Variants in CACNA2D1 observed in about 807,000 individuals in gnomAD.
CACNA2D1 encodes voltage-dependent calcium channel subunit alpha-2/delta-1.
In CACNA2D1, 53 loss-of-function variants were observed where a neutral mutation model predicts 171.5. That is an observed-to-expected ratio of 0.31 (90% CI 0.25 to 0.39). The LOEUF is 0.39. Among genes scored for constraint, CACNA2D1 ranks in the 10% least tolerant of loss-of-function variants. CACNA2D1 has a pLI of 1.00. For synonymous variants in CACNA2D1, 442 were observed against 443.1 expected (o/e 1.00, Z 0.03); for missense variants, 903 against 1,299.8 (o/e 0.69, Z 4.69).
intron 4 of CACNA2D1, among the ~76,000 whole-genome samples, chr7:82,145,609 A>G (rs1792928450): frequency 6.9e-6 from 1 of 144,848 alleles, no homozygotes; most frequent in Non-Finnish European, 1.5e-5. Context: ...TATATATTTT[A>G]CATATATTAT....
rs377066329 is a variant in CACNA2D1 at position 82,168,182 on chromosome 7, C to T, written c.354+2368G>A. Among the ~76,000 whole-genome samples the T allele has an allele frequency of 7.2e-5, 11 of 152,004 alleles. No homozygotes were observed. The East Asian group carries it at 1.9e-3, about 27-fold the overall frequency. ...GGGAGATGAGGTCTCTCTCTGTTGC[C>T]CAGGCTGGAGTAGTACAGTGTCATG... On this transcript the variant is annotated intron_variant, in intron 4 of 38. Coordinates refer to ENST00000356860, the MANE Select transcript of CACNA2D1 (RefSeq NM_000722.4).
intron 4 of CACNA2D1, among the ~76,000 whole-genome samples, chr7:82,146,463 AATAT>A (rs979907502): frequency 8.3e-6 from 1 of 120,326 alleles, no homozygotes; most frequent in Non-Finnish European, 1.8e-5. Context: ...GATATATATA[AATAT>A]ATATCTTTAT....
At chr7:82,074,589 A>G (rs1808733542) in intron 7 of CACNA2D1, among the ~76,000 whole-genome samples, 1 of 152,120 alleles carries the variant, frequency 6.6e-6, no homozygotes, top group South Asian at 2.1e-4. Context: ...TAATGTGTTT[A>G]CAAGTTTTCC....
At chr7:82,364,716 G>A (rs1268270558) in intron 1 of CACNA2D1, among the ~76,000 whole-genome samples, 4 of 152,130 alleles carry the variant, frequency 2.6e-5, no homozygotes, top group Non-Finnish European at 4.4e-5. Flanking sequence ...CAAGCATAGT[G>A]TATATACTTT....
chr7:82,010,920 A>C (rs1227677788), intron 15 of CACNA2D1, among the ~76,000 whole-genome samples: 1 of 152,164 alleles, frequency 6.6e-6, no homozygotes, highest in Non-Finnish European at 1.5e-5. Context: ...AGGTCTTATT[A>C]TTTTGATTCT....
intron 6 of CACNA2D1, among the ~76,000 whole-genome samples, chr7:82,091,913 G>T (rs755192658): frequency 5.9e-5 from 9 of 152,096 alleles, no homozygotes; most frequent in Non-Finnish European, 1.2e-4. Flanking sequence ...GCTATACTAA[G>T]GATCCTAGAC....
At chr7:82,062,615 A>G (rs1472401688) in intron 9 of CACNA2D1, among the ~76,000 whole-genome samples, 2 of 137,970 alleles carry the variant, frequency 1.4e-5, no homozygotes, top group Non-Finnish European at 3.1e-5. Context: ...TTTTTTTAAT[A>G]TACTTTAAGT....
intron 36 of CACNA2D1, among the ~76,000 whole-genome samples, chr7:81,961,332 C>T (rs1320404527): frequency 2.6e-5 from 4 of 151,952 alleles, no homozygotes; most frequent in Non-Finnish European, 5.9e-5. Context: ...TACTGACTAA[C>T]ATTAACCATG....
intron 4 of CACNA2D1, among the ~76,000 whole-genome samples, chr7:82,143,920 A>G (rs1014671198): frequency 3.9e-5 from 6 of 152,174 alleles, no homozygotes; most frequent in African/African-American, 9.7e-5. Context: ...ATGTTTTTCT[A>G]TTCAGAAATC....
intron 3 of CACNA2D1, among the ~76,000 whole-genome samples, chr7:82,318,062 G>C (rs997381869): frequency 2.0e-5 from 3 of 151,868 alleles, no homozygotes. Flanking sequence ...CTCACTAGTT[G>C]TAATTAAAAG....
intron 6 of CACNA2D1, among the ~76,000 whole-genome samples, chr7:82,109,187 T>C (rs1168252658): frequency 6.6e-6 from 1 of 152,142 alleles, no homozygotes; most frequent in Non-Finnish European, 1.5e-5. Flanking sequence ...CAACTCTATA[T>C]ATTATATATA....
In CACNA2D1 at chr7:82,020,225, G is replaced by T. The variant is rs1196416371; in HGVS notation, c.1144-5746C>A. Among the ~76,000 whole-genome samples the T allele has an allele frequency of 9.9e-5, 15 of 152,256 alleles. No homozygotes were observed. In the East Asian group the frequency reaches 2.9e-3, roughly 29 times the overall value. ...GTCTGACTTGAAGGCAGGCTCCTGG[G>T]TGGGCAAATTATGATTAGCATAGCC... is the stretch of plus-strand genomic sequence containing the variant. On this transcript the variant is annotated intron_variant, in intron 12 of 38. Coordinates refer to ENST00000356860, the MANE Select transcript of CACNA2D1 (RefSeq NM_000722.4).
chr7:82,137,540 ATT>A (rs1337900534), intron 4 of CACNA2D1, among the ~76,000 whole-genome samples: 3 of 151,916 alleles, frequency 2.0e-5, no homozygotes, highest in Admixed American at 6.6e-5. Context: ...GTGAACACAT[ATT>A]TTTCCCTGCC....
intron 3 of CACNA2D1, among the ~76,000 whole-genome samples, chr7:82,310,652 A>C (rs1361485980): frequency 6.6e-6 from 1 of 152,118 alleles, no homozygotes; most frequent in African/African-American, 2.4e-5. Context: ...ACTTCAAAAA[A>C]AGGGGAAGGG....
chr7:82,056,020 A>AT (rs1182910246), intron 10 of CACNA2D1, among the ~76,000 whole-genome samples: 17 of 144,874 alleles, frequency 1.2e-4, no homozygotes, highest in Non-Finnish European at 1.8e-4. Context: ...AAAAAAAAAA[A>AT]AAAAAAAAAA....
chr7:82,138,440 G>GTTTT (rs1423711232), intron 4 of CACNA2D1, among the ~76,000 whole-genome samples: 2 of 95,352 alleles, frequency 2.1e-5, no homozygotes, highest in African/African-American at 7.2e-5. Flanking sequence ...TGTTTTTTTT[G>GTTTT]TTTTTTTTGT....
At chr7:82,119,237 A>T (rs1789434175) in intron 5 of CACNA2D1, among the ~76,000 whole-genome samples, 1 of 152,168 alleles carries the variant, frequency 6.6e-6, no homozygotes, top group African/African-American at 2.4e-5. Context: ...AAGTCTACAG[A>T]CCACCATATA....
intron 4 of CACNA2D1, among the ~76,000 whole-genome samples, chr7:82,161,974 G>C (rs933210519): frequency 8.6e-5 from 13 of 152,018 alleles, no homozygotes; most frequent in Non-Finnish European, 5.9e-5. Flanking sequence ...GTGAAAAGTA[G>C]GAAATCAGGG....
chr7:82,381,784 A>T (rs1337464025), intron 1 of CACNA2D1, among the ~76,000 whole-genome samples: 1 of 152,094 alleles, frequency 6.6e-6, no homozygotes, highest in Non-Finnish European at 1.5e-5. Flanking sequence ...CTGGTAGAAA[A>T]CTCAAGAATA....
Sources: gnomAD v4.1 joint callset for allele counts (sites outside exome capture counted in the v4.1 genomes callset) on GRCh38, gnomAD v4.1.1 for gene constraint, MANE v1.5 for transcripts, NCBI Gene and HGNC (gene_info 2026-07-23, HGNC 2026-07-21) for gene names.